The following ASTN2 variants were observed in gnomAD, a reference collection of about 807,000 sequenced individuals.
The protein encoded by ASTN2 is astrotactin-2.
ASTN2 carries 54 observed loss-of-function variants against 139.8 expected under a neutral mutation model. The observed-to-expected ratio is 0.39, with a 90% CI of 0.31 to 0.48. ASTN2 has a LOEUF of 0.48. ASTN2 is among the 20% of genes least tolerant of loss of function. ASTN2 has a pLI of 0.95. For synonymous variants in ASTN2, 756 were observed against 719.5 expected (o/e 1.05, Z -0.81); for missense variants, 1,565 against 1,725.1 (o/e 0.91, Z 1.64).
chr9:116,590,212 T>C (rs898992140), intron 19 of ASTN2, among the ~76,000 whole-genome samples: 9 of 152,202 alleles, frequency 5.9e-5, no homozygotes, highest in Non-Finnish European at 1.2e-4. Context: ...GTTGCAGCTG[T>C]GGATCCAGGC....
chr9:116,472,260 C>T lies in ASTN2; in HGVS notation c.3497+15099G>A, dbSNP rs551437811. ...CCCCATATGTGGTCCCTTCAATATC[C>T]TACCTCCCTGCCTTCATTTCAGCTA... On this transcript the variant is annotated intron_variant, in intron 20 of 22. Coordinates refer to ENST00000313400, the MANE Select transcript of ASTN2 (RefSeq NM_001365068.1). Among the ~76,000 whole-genome samples, 79 of 152,278 alleles carry T rather than the reference C, an allele frequency of 5.2e-4. 3 individuals carry two copies. The South Asian group carries it at 0.016, about 30-fold the overall frequency.
chr9:116,910,523 C>T (rs1834281992), intron 10 of ASTN2, among the ~76,000 whole-genome samples: 1 of 152,162 alleles, frequency 6.6e-6, no homozygotes, highest in East Asian at 1.9e-4. Context: ...ACAAACGTTC[C>T]TGATTACAAC....
At chr9:116,561,769 AACT>A (rs546252844) in intron 19 of ASTN2, among the ~76,000 whole-genome samples, 98 of 152,308 alleles carry the variant, frequency 6.4e-4, no homozygotes, top group African/African-American at 2.3e-3. Context: ...TGACCTGCCA[AACT>A]TTTATTGTTG....
At chr9:117,044,581 T>C (rs1838678087) in intron 5 of ASTN2, among the ~76,000 whole-genome samples, 1 of 152,182 alleles carries the variant, frequency 6.6e-6, no homozygotes, top group South Asian at 2.1e-4. Flanking sequence ...AAACTATCTC[T>C]CCCATAATAC....
intron 3 of ASTN2, chr9:117,180,611 A>G: frequency 8.1e-7 from 1 of 1,233,778 alleles, no homozygotes. Context: ...CATTCTAAAC[A>G]ACTGATCTGG....
intron 3 of ASTN2, among the ~76,000 whole-genome samples, chr9:117,171,908 A>C (rs1467156733): frequency 6.6e-6 from 1 of 152,152 alleles, no homozygotes; most frequent in African/African-American, 2.4e-5. Context: ...GACTATATAC[A>C]TTTTAGTAAA....
At chr9:117,279,579 C>T (rs1012110392) in intron 2 of ASTN2, among the ~76,000 whole-genome samples, 11 of 152,174 alleles carry the variant, frequency 7.2e-5, no homozygotes, top group African/African-American at 2.7e-4. Flanking sequence ...CCAATCCAGG[C>T]AGTTCTGTCC....
At chr9:117,262,212 A>G (rs1298210797) in intron 2 of ASTN2, among the ~76,000 whole-genome samples, 1 of 152,058 alleles carries the variant, frequency 6.6e-6, no homozygotes, top group African/African-American at 2.4e-5. Flanking sequence ...GGGAGAAAGG[A>G]GGAGGCCACA....
chr9:116,456,463 C>T (rs894758531), intron 20 of ASTN2, among the ~76,000 whole-genome samples: 1 of 152,030 alleles, frequency 6.6e-6, no homozygotes, highest in African/African-American at 2.4e-5. Flanking sequence ...AGCAAAATAC[C>T]AATGACATTT....
intron 19 of ASTN2, among the ~76,000 whole-genome samples, chr9:116,511,646 G>A (rs1267813398): frequency 2.6e-5 from 4 of 152,224 alleles, no homozygotes; most frequent in South Asian, 2.1e-4. Context: ...ACTTTTTTTG[G>A]TTGGTAGGCT....
chr9:116,659,378 C>T (rs1858421542), intron 16 of ASTN2, among the ~76,000 whole-genome samples: 1 of 152,096 alleles, frequency 6.6e-6, no homozygotes, highest in South Asian at 2.1e-4. Context: ...AATCTGACTC[C>T]TGTCCCACTA....
At chr9:117,111,851 G>A (rs1267935093) in intron 4 of ASTN2, among the ~76,000 whole-genome samples, 2 of 147,590 alleles carry the variant, frequency 1.4e-5, no homozygotes, top group Admixed American at 6.8e-5. Flanking sequence ...AGGAAGGAAT[G>A]AAACTGTATT....
At chr9:117,343,681 A>G (rs1829127012) in intron 1 of ASTN2, among the ~76,000 whole-genome samples, 2 of 152,170 alleles carry the variant, frequency 1.3e-5, no homozygotes, top group South Asian at 2.1e-4. Flanking sequence ...GCAAGGAATG[A>G]AAAGCACATT....
intron 20 of ASTN2, among the ~76,000 whole-genome samples, chr9:116,452,291 C>T (rs886624352): frequency 2.6e-5 from 4 of 152,116 alleles, no homozygotes; most frequent in Admixed American, 6.6e-5. Flanking sequence ...AAAGTGACTT[C>T]AGTTATAGAA....
At chr9:116,769,163 A>C (rs1215184957) in intron 13 of ASTN2, among the ~76,000 whole-genome samples, 1 of 152,226 alleles carries the variant, frequency 6.6e-6, no homozygotes, top group African/African-American at 2.4e-5. Flanking sequence ...GGAAGTATCT[A>C]AAGAGGCAAA....
chr9:116,888,181 T>G (rs369537234), intron 10 of ASTN2, among the ~76,000 whole-genome samples: 1 of 152,144 alleles, frequency 6.6e-6, no homozygotes, highest in East Asian at 1.9e-4. Context: ...GGTGGGAGGA[T>G]CGCTTGATCC....
chr9:116,545,928 T>C (rs1270735574), intron 19 of ASTN2: 1 of 152,234 alleles, frequency 6.6e-6, no homozygotes, highest in South Asian at 2.1e-4. Context: ...TATTGTCATA[T>C]GGACTCTTCA....
intron 1 of ASTN2, among the ~76,000 whole-genome samples, chr9:117,408,296 T>C (rs1471931641): frequency 1.3e-5 from 2 of 152,078 alleles, no homozygotes; most frequent in Admixed American, 1.3e-4. Context: ...TTCAAGACAA[T>C]TGGGCTTAAA....
At chr9:117,328,799 G>A (rs985195790) in intron 1 of ASTN2, among the ~76,000 whole-genome samples, 1 of 152,190 alleles carries the variant, frequency 6.6e-6, no homozygotes, top group Non-Finnish European at 1.5e-5. Context: ...GTGCCACAGA[G>A]TAAATGGGTT....
Sources: gnomAD v4.1 joint callset for allele counts (sites outside exome capture counted in the v4.1 genomes callset) on GRCh38, gnomAD v4.1.1 for gene constraint, MANE v1.5 for transcripts, NCBI Gene and HGNC (gene_info 2026-07-23, HGNC 2026-07-21) for gene names.